The following PCSK2 variants were observed in gnomAD, a reference collection of about 807,000 sequenced individuals.
PCSK2 encodes the protein neuroendocrine convertase 2.
In PCSK2, 14 loss-of-function variants were observed where a neutral mutation model predicts 69.7. That is an observed-to-expected ratio of 0.20 (90% CI 0.13 to 0.31). The LOEUF is 0.31. Ranked by LOEUF, PCSK2 falls within the 10% of genes least tolerant of loss-of-function variation. The probability of loss-of-function intolerance (pLI) is 1.00; values close to 1 mark genes in which losing one functional copy is unlikely to be tolerated. For synonymous variants in PCSK2, 307 were observed against 320.7 expected, an observed-to-expected ratio of 0.96 and a Z score of 0.46; for missense variants, 544 against 842.5, an observed-to-expected ratio of 0.65 and a Z score of 4.39.
chr20:17,228,966 C>G (rs879386556), intron 1 of PCSK2, among the ~76,000 whole-genome samples: 13 of 152,228 alleles, frequency 8.5e-5, no homozygotes, highest in Non-Finnish European at 1.9e-4. Context: ...GGTTTTGGCC[C>G]GTGGCCTGCC....
intron 2 of PCSK2, among the ~76,000 whole-genome samples, chr20:17,341,422 C>G (rs1038609168): frequency 2.0e-5 from 3 of 152,148 alleles, no homozygotes; most frequent in African/African-American, 7.2e-5. Context: ...AAGCGGGCCG[C>G]CCCCAGTATC....
chr20:17,277,777 C>G lies in PCSK2; in HGVS notation c.282+17433C>G, dbSNP rs1265284917. Among the ~76,000 whole-genome samples, 111 of 152,000 alleles carry G rather than the reference C, an allele frequency of 7.3e-4. 1 individual carries two copies. The highest frequency in any genetic ancestry group is 2.0e-3 in the Admixed American group (30 of 15,248). ...CAAAAGAAATTACCATCAGAGTGAA[C>G]AGGCAACCTACAGAATGGGAGAAAA... is the stretch of plus-strand genomic sequence containing the variant. On this transcript the variant is annotated intron_variant, in intron 2 of 11. Coordinates refer to ENST00000262545, the MANE Select transcript of PCSK2 (RefSeq NM_002594.5).
chr20:17,313,667 A>G (rs1989586886), intron 2 of PCSK2, among the ~76,000 whole-genome samples: 1 of 152,118 alleles, frequency 6.6e-6, no homozygotes, highest in African/African-American at 2.4e-5. Context: ...AGGCCTCCAA[A>G]GTTGCTTTCT....
chr20:17,452,693 C>T (rs943472893), intron 8 of PCSK2, among the ~76,000 whole-genome samples: 11 of 152,342 alleles, frequency 7.2e-5, no homozygotes, highest in Admixed American at 2.6e-4. Flanking sequence ...CCCTTGCCTC[C>T]GGCACTGCAT....
At chr20:17,275,231 A>G (rs1276111349) in intron 2 of PCSK2, among the ~76,000 whole-genome samples, 1 of 152,026 alleles carries the variant, frequency 6.6e-6, no homozygotes, top group Admixed American at 6.6e-5. Flanking sequence ...AGGCTTTTCC[A>G]AAGTATAAAC....
chr20:17,335,928 G>A (rs1411392040), intron 2 of PCSK2, among the ~76,000 whole-genome samples: 2 of 150,188 alleles, frequency 1.3e-5, no homozygotes, highest in Admixed American at 6.7e-5. Flanking sequence ...TGATTGATGG[G>A]CATTTGGGCT....
chr20:17,301,086 T>C (rs905087203), intron 2 of PCSK2, among the ~76,000 whole-genome samples: 5 of 152,232 alleles, frequency 3.3e-5, no homozygotes, highest in African/African-American at 1.2e-4. Flanking sequence ...TTAAAAAGCC[T>C]TCTAAAATCA....
chr20:17,454,107 C>A, intron 9 of PCSK2, 150 bp downstream of exon 9: 1 of 1,129,680 alleles, frequency 8.9e-7, no homozygotes. Context: ...TTCTCTATGC[C>A]CAGTCCTGCT....
intron 5 of PCSK2, among the ~76,000 whole-genome samples, chr20:17,400,496 A>T (rs949120750): frequency 3.9e-5 from 6 of 152,332 alleles, no homozygotes; most frequent in African/African-American, 1.4e-4. Context: ...AGGATGAGTA[A>T]TGCATACAAA....
chr20:17,385,500 C>T (rs2031210832), intron 5 of PCSK2, among the ~76,000 whole-genome samples: 1 of 152,198 alleles, frequency 6.6e-6, no homozygotes, highest in Non-Finnish European at 1.5e-5. Flanking sequence ...ATGGAATCGT[C>T]AAGTAGTTTG....
chr20:17,327,032 C>T (rs1412460357), intron 2 of PCSK2, among the ~76,000 whole-genome samples: 1 of 152,196 alleles, frequency 6.6e-6, no homozygotes. Flanking sequence ...GTCTCCTCAT[C>T]TGTGTGAAAA....
intron 2 of PCSK2, among the ~76,000 whole-genome samples, chr20:17,288,504 TG>T (rs1211514996): frequency 6.6e-6 from 1 of 152,226 alleles, no homozygotes; most frequent in East Asian, 1.9e-4. Context: ...GCTCATGTTC[TG>T]GGCTGAATTG....
In PCSK2 at chr20:17,453,255, T is replaced by C. The variant is rs1257899677; in HGVS notation, c.886-487T>C. On this transcript the variant is annotated intron_variant, in intron 8 of 11. Coordinates refer to ENST00000262545, the MANE Select transcript of PCSK2 (RefSeq NM_002594.5). The surrounding 1 kb of genome is among the most constrained non-coding windows in gnomAD (Gnocchi z 4.0). ...TATTTAAAATAAAAGGTATATATCT[T>C]CTATAAATGTTTTGTATAGCTTATG... 6.6e-6 allele frequency among the ~76,000 whole-genome samples: 1 copy of C among 152,184 alleles called. No homozygotes were observed. Among genetic ancestry groups the C allele is most frequent in the African/African-American group, 2.4e-5 (1 of 41,458 alleles).
At chr20:17,416,596 T>C (rs1172286826) in intron 6 of PCSK2, among the ~76,000 whole-genome samples, 3 of 150,066 alleles carry the variant, frequency 2.0e-5, no homozygotes, top group East Asian at 3.9e-4. Flanking sequence ...GGTTCAACCA[T>C]TGTGGAAGAC....
chr20:17,443,003 G>C (rs2032628852), intron 8 of PCSK2, among the ~76,000 whole-genome samples: 1 of 151,996 alleles, frequency 6.6e-6, no homozygotes, highest in Non-Finnish European at 1.5e-5. Flanking sequence ...AAAATGACAA[G>C]TTTCCCAACC....
intron 8 of PCSK2, among the ~76,000 whole-genome samples, chr20:17,437,393 G>C (rs527672427): frequency 6.6e-6 from 1 of 152,332 alleles, no homozygotes; most frequent in Non-Finnish European, 1.5e-5. Flanking sequence ...GGCTTGGACA[G>C]AGCTGAGGAG....
At chr20:17,332,059 CTT>C (rs1990220993) in intron 2 of PCSK2, among the ~76,000 whole-genome samples, 1 of 152,160 alleles carries the variant, frequency 6.6e-6, no homozygotes, top group African/African-American at 2.4e-5. Context: ...CATTTGTTAA[CTT>C]ATTTAATTTC....
chr20:17,301,258 T>A (rs895873441), intron 2 of PCSK2, among the ~76,000 whole-genome samples: 14 of 152,160 alleles, frequency 9.2e-5, no homozygotes, highest in African/African-American at 3.4e-4. Flanking sequence ...TATCTCATCA[T>A]TTTGGTGGAG....
intron 2 of PCSK2, among the ~76,000 whole-genome samples, chr20:17,297,103 G>A (rs187080330): frequency 5.9e-5 from 9 of 152,288 alleles, no homozygotes; most frequent in African/African-American, 2.2e-4. Context: ...AAGCAGAGAA[G>A]TTAGTAAACA....
Sources: gnomAD v4.1 joint callset for allele counts (sites outside exome capture counted in the v4.1 genomes callset) on GRCh38, gnomAD v4.1.1 for gene constraint, Gnocchi (gnomAD v3.1) non-coding constraint, MANE v1.5 for transcripts, NCBI Gene and HGNC (gene_info 2026-07-23, HGNC 2026-07-21) for gene names.